CXCR5: variants seen among roughly 807,000 people sequenced by gnomAD.
The protein encoded by CXCR5 is C-X-C chemokine receptor type 5.
In CXCR5, 3 loss-of-function variants were observed where a neutral mutation model predicts 5.6. That is an observed-to-expected ratio of 0.54 (90% CI 0.24 to 1.39). The LOEUF (loss-of-function observed/expected upper bound fraction) is 1.39. Ranked by LOEUF, CXCR5 falls within the 40% of genes most tolerant of loss-of-function variation. The pLI is 0.16. For synonymous variants in CXCR5, 218 were observed against 219.9 expected (o/e 0.99, Z 0.08); for missense variants, 333 against 494.6 (o/e 0.67, Z 3.10).
chr11:118,893,600 G>A lies in CXCR5; in HGVS notation c.56G>A (p.Trp19Ter), dbSNP rs772058928. Reference protein sequence around the residue: ...MDLENLEDLFWELDRLDNYND... With the variant: ...MDLENLEDLF ...CCCGTCTCCTTGCCCTTGCAGTTCT[G>A]GGAACTGGACAGATTGGACAACTAT... The change falls in exon 2 of 2, where the codon TGG becomes TAG. Residue 19 changes from tryptophan (W) to a stop codon, truncating the protein, a stop_gained. Coordinates refer to ENST00000292174, the MANE Select transcript of CXCR5 (RefSeq NM_001716.5). LOFTEE classifies it low-confidence loss of function (END_TRUNC). The surrounding 1 kb of genome is among the most constrained non-coding windows in gnomAD (Gnocchi z 5.7). 1 of 1,578,728 alleles carries A rather than the reference G, an allele frequency of 6.3e-7. No homozygotes were observed. Among genetic ancestry groups the A allele is most frequent in the Non-Finnish European group, 8.6e-7 (1 of 1,157,346 alleles).
At chr11:118,892,368 T>C (rs1333573289) in intron 1 of CXCR5, among the ~76,000 whole-genome samples, 1 of 152,092 alleles carries the variant, frequency 6.6e-6, no homozygotes, top group African/African-American at 2.4e-5. Context: ...TGGGGGTGCC[T>C]TGCTCTCCTG....
In CXCR5 at chr11:118,894,173, C is replaced by T; in HGVS notation, c.629C>T (p.Ala210Val). 6.2e-7 allele frequency: 1 copy of T among 1,614,092 alleles called. No homozygotes were observed. Among genetic ancestry groups the T allele is most frequent in the Non-Finnish European group, 8.5e-7 (1 of 1,180,042 alleles). ...TGCACCTTCTCCCAAGAGAACCAAG[C>T]AGAAACGCATGCCTGGTTCACCTCC... ...PRCTFSQENQ[A>V]ETHAWFTSRF... Residue 210 changes from alanine to valine, a missense_variant, in exon 2 of 2, where the codon GCA (alanine) becomes GTA (valine). Coordinates refer to ENST00000292174, the MANE Select transcript of CXCR5 (RefSeq NM_001716.5). The surrounding 1 kb of genome is among the most constrained non-coding windows in gnomAD (Gnocchi z 6.1).
At chr11:118,890,617 G>C (rs1939794945) in intron 1 of CXCR5, among the ~76,000 whole-genome samples, 1 of 152,068 alleles carries the variant, frequency 6.6e-6, no homozygotes, top group Non-Finnish European at 1.5e-5. Flanking sequence ...GGGTGGTCTA[G>C]AGCAATAATT....
chr11:118,884,539 G>A (rs1050764339), intron 1 of CXCR5, among the ~76,000 whole-genome samples: 1 of 152,166 alleles, frequency 6.6e-6, no homozygotes, highest in Non-Finnish European at 1.5e-5. Context: ...CTCACTGGAA[G>A]CTATTAGGCA....
At chr11:118,888,283 C>T (rs778293440) in intron 1 of CXCR5, among the ~76,000 whole-genome samples, 12 of 152,100 alleles carry the variant, frequency 7.9e-5, no homozygotes, top group Non-Finnish European at 1.5e-4. Flanking sequence ...TTGACTGAAA[C>T]GCTACCCCCT....
At position 118,894,725 on chromosome 11, in the gene CXCR5, T is replaced by TGTTGGAAGGAGCA; in HGVS notation, c.*62_*63insGTTGGAAGGAGCA. The TGTTGGAAGGAGCA allele has an allele frequency of 1.4e-6, 2 of 1,456,576 alleles. No individual in the cohort carries two copies. The highest frequency in any genetic ancestry group is 1.8e-6 in the Non-Finnish European group (2 of 1,092,874). The allele number at this position is 1,456,576 out of a possible 1,614,324, so 90.2% of individuals were successfully genotyped here. On this transcript the variant is annotated 3_prime_UTR_variant, in exon 2 of 2. Coordinates refer to ENST00000292174, the MANE Select transcript of CXCR5 (RefSeq NM_001716.5). The surrounding 1 kb of genome is among the most constrained non-coding windows in gnomAD (Gnocchi z 6.1). ...GGCAGGCAGTGATGCTGGATGCTCC[T>TGTTGGAAGGAGCA]TCCAACAGGAGCTGGGATCCTAAGG...
At chr11:118,884,109 A>C in intron 1 of CXCR5, 117 bp downstream of exon 1, 1 of 1,047,918 alleles carries the variant, frequency 9.5e-7, no homozygotes, top group Non-Finnish European at 1.5e-6. Context: ...GTGGATCTGT[A>C]AAATCTAGAC....
chr11:118,891,153 T>C (rs1447491722), intron 1 of CXCR5, among the ~76,000 whole-genome samples: 1 of 151,536 alleles, frequency 6.6e-6, no homozygotes, highest in African/African-American at 2.4e-5. Flanking sequence ...CTGCAATGAG[T>C]TCTAAACTTT....
intron 1 of CXCR5, among the ~76,000 whole-genome samples, chr11:118,885,468 C>A (rs1351191705): frequency 6.6e-6 from 1 of 152,194 alleles, no homozygotes; most frequent in African/African-American, 2.4e-5. Context: ...AGAGTCTGGG[C>A]AATACCCCAA....
rs749530988 is a variant in CXCR5, at chr11:118,894,078, C to T, written c.534C>T (p.Phe178=). ...GTGGGACCATCTGGCTGGTGGGCTTCCTCCTTGCCTTGCCAGAGATTCTCT... is the reference window on the plus strand; with the variant it reads ...GTGGGACCATCTGGCTGGTGGGCTTTCTCCTTGCCTTGCCAGAGATTCTCT... ...ITCGTIWLVG[F]LLALPEILFA... Residue 178 remains phenylalanine, a synonymous_variant, in exon 2 of 2, where the codon TTC becomes TTT. Transcript: ENST00000292174. This position sits in a 1 kb window ranked among gnomAD's most constrained non-coding sequence, Gnocchi z 6.1. 1.2e-6 allele frequency: 2 copies of T among 1,613,888 alleles called. No individual in the cohort carries two copies. Among genetic ancestry groups the T allele is most frequent in the African/African-American group, 1.3e-5 (1 of 74,920 alleles).
At chr11:118,887,465 T>C in intron 1 of CXCR5, 22 of 983,780 alleles carry the variant, frequency 2.2e-5, no homozygotes, top group Non-Finnish European at 2.7e-5. Context: ...TGCAGAGGCT[T>C]GGAGTAGCTT....
intron 1 of CXCR5, among the ~76,000 whole-genome samples, chr11:118,885,376 C>T (rs1400713002): frequency 6.6e-6 from 1 of 152,182 alleles, no homozygotes; most frequent in Non-Finnish European, 1.5e-5. Context: ...AGCACTAAAC[C>T]TCGTGGGGGG....
intron 1 of CXCR5, among the ~76,000 whole-genome samples, chr11:118,890,172 G>A (rs993021591): frequency 1.3e-4 from 20 of 152,326 alleles, no homozygotes; most frequent in African/African-American, 4.6e-4. Flanking sequence ...AGGCCATCAA[G>A]GTTATTGGGA....
intron 1 of CXCR5, among the ~76,000 whole-genome samples, chr11:118,889,242 G>T (rs552162749): frequency 5.9e-5 from 9 of 152,320 alleles, no homozygotes; most frequent in African/African-American, 2.2e-4. Flanking sequence ...CTTCTTTGGG[G>T]CATGTGACCC....
At position 118,894,648 on chromosome 11, in the gene CXCR5, T is replaced by C. The variant is rs770918237; in HGVS notation, c.1104T>C (p.Ser368=). Residue 368 remains serine, a synonymous_variant, in exon 2 of 2, where the codon TCT becomes TCC. Transcript: ENST00000292174. This position sits in a 1 kb window ranked among gnomAD's most constrained non-coding sequence, Gnocchi z 6.1. ...SSLSESENAT[S]LTTF ...TCTCTGAGTCAGAGAATGCCACCTC[T>C]CTCACCACGTTCTAGGTCCCAGTGT... is the stretch of plus-strand genomic sequence containing the variant. The C allele has an allele frequency of 1.3e-6, 2 of 1,511,012 alleles. No individual in the cohort carries two copies. The highest frequency in any genetic ancestry group is 1.8e-6 in the Non-Finnish European group (2 of 1,129,892). 93.6% of individuals were successfully genotyped at this position (1,511,012 alleles called of 1,614,324 possible). A position where few individuals can be genotyped will look rare whatever the true frequency, so the allele number is the denominator to read the frequency against.
chr11:118,892,244 A>C (rs1468682307), intron 1 of CXCR5, among the ~76,000 whole-genome samples: 1 of 152,090 alleles, frequency 6.6e-6, no homozygotes, highest in African/African-American at 2.4e-5. Flanking sequence ...AGAAGGAAAG[A>C]CCCAGGTTGG....
intron 1 of CXCR5, among the ~76,000 whole-genome samples, chr11:118,889,236 T>A (rs772782925): frequency 1.3e-4 from 20 of 152,240 alleles, no homozygotes; most frequent in Non-Finnish European, 2.9e-4. Flanking sequence ...TCTTGCCTTC[T>A]TTGGGGCATG....
chr11:118,894,188 G>C lies in CXCR5; in HGVS notation c.644G>C (p.Trp215Ser), dbSNP rs1226655840. ...GAGAACCAAGCAGAAACGCATGCCT[G>C]GTTCACCTCCCGATTCCTCTACCAT... ...SQENQAETHA[W>S]FTSRFLYHVA... The change falls in exon 2 of 2, where the codon TGG becomes TCG. Residue 215 changes from tryptophan to serine, a missense_variant. By Grantham distance (177) the Trp-to-Ser change is radical. Transcript: ENST00000292174. This position sits in a 1 kb window ranked among gnomAD's most constrained non-coding sequence, Gnocchi z 6.1. 1 of 1,613,984 alleles carries C rather than the reference G, an allele frequency of 6.2e-7. No individual in the cohort carries two copies. Among genetic ancestry groups the C allele is most frequent in the Non-Finnish European group, 8.5e-7 (1 of 1,180,052 alleles).
chr11:118,886,054 T>G (rs1049023834), intron 1 of CXCR5: 1 of 296,284 alleles, frequency 3.4e-6, no homozygotes, highest in Admixed American at 4.9e-5. Flanking sequence ...CGTGAGCAGC[T>G]TGGCAGACTG....
Sources: gnomAD v4.1 joint callset for allele counts (sites outside exome capture counted in the v4.1 genomes callset) on GRCh38, gnomAD v4.1.1 for gene constraint, Gnocchi (gnomAD v3.1) non-coding constraint, MANE v1.5 for transcripts, NCBI Gene and HGNC (gene_info 2026-07-23, HGNC 2026-07-21) for gene names.